LEP: variants seen among roughly 807,000 people sequenced by gnomAD.
The protein encoded by LEP is leptin (murine obesity homolog).
LEP carries 6 observed loss-of-function variants against 9.8 expected under a neutral mutation model. The observed-to-expected ratio is 0.61, with a 90% confidence interval of 0.34 to 1.21. LEP has a LOEUF of 1.21. Ranked by LOEUF, LEP falls within the 50% of genes most tolerant of loss-of-function variation. LEP has a pLI of 0.04. For synonymous variants in LEP, 112 were observed against 81.7 expected, an observed-to-expected ratio of 1.37 and a Z score of -2.00; for missense variants, 134 against 198.1, an observed-to-expected ratio of 0.68 and a Z score of 1.94.
At chr7:128,243,024 G>A (rs369661652) in intron 1 of LEP, among the ~76,000 whole-genome samples, 45 of 152,328 alleles carry the variant, frequency 3.0e-4, no homozygotes, top group Middle Eastern at 3.4e-3. Context: ...CCCCACCGGG[G>A]TAGGAGTCTG....
intron 1 of LEP, among the ~76,000 whole-genome samples, chr7:128,249,020 T>A (rs1409854174): frequency 6.6e-6 from 1 of 152,238 alleles, no homozygotes; most frequent in African/African-American, 2.4e-5. Flanking sequence ...TCGCACCAAC[T>A]ATTTGCTGCC....
chr7:128,247,384 C>T (rs1795223825), intron 1 of LEP, among the ~76,000 whole-genome samples: 1 of 152,208 alleles, frequency 6.6e-6, no homozygotes, highest in South Asian at 2.1e-4. Context: ...AAAATCTCTC[C>T]TCATGTCTCT....
chr7:128,251,667 G>C (rs528618720), intron 1 of LEP, among the ~76,000 whole-genome samples: 14 of 152,288 alleles, frequency 9.2e-5, no homozygotes, highest in African/African-American at 3.4e-4. Flanking sequence ...GACCTTAAAA[G>C]TCTGTTATCT....
chr7:128,254,552 C>G lies in LEP; in HGVS notation c.293C>G (p.Ser98Cys). 1 of 1,614,172 alleles carries G rather than the reference C, an allele frequency of 6.2e-7. No homozygotes were observed. The change falls in exon 3 of 3, where the codon TCC becomes TGC. Residue 98 changes from serine (S) to cysteine (C), a missense_variant. Physicochemically the swap from Ser to Cys is moderately radical, Grantham distance 112 (BLOSUM62 -1). Coordinates refer to ENST00000308868, the MANE Select transcript of LEP (RefSeq NM_000230.3). ...SMPSRNVIQI[S>C]NDLENLRDLL... ...CCTTCCAGAAACGTGATCCAAATAT[C>G]CAACGACCTGGAGAACCTCCGGGAT...
At chr7:128,251,225 A>T (rs952216882) in intron 1 of LEP, among the ~76,000 whole-genome samples, 1 of 152,090 alleles carries the variant, frequency 6.6e-6, no homozygotes, top group Non-Finnish European at 1.5e-5. Context: ...TGGCCCATTG[A>T]CCTGTTTGTT....
chr7:128,243,396 G>T (rs528700185), intron 1 of LEP, among the ~76,000 whole-genome samples: 1 of 152,192 alleles, frequency 6.6e-6, no homozygotes, highest in Non-Finnish European at 1.5e-5. Flanking sequence ...AAGAGAAACC[G>T]CAGAGAAGAC....
chr7:128,243,723 G>A lies in LEP; in HGVS notation c.-29+2417G>A, dbSNP rs539555043. 1.5e-3 allele frequency among the ~76,000 whole-genome samples: 232 copies of A among 152,322 alleles called. 1 individual carries two copies. Among genetic ancestry groups the A allele is most frequent in the Non-Finnish European group, 2.2e-3 (153 of 68,026 alleles). The stretch of plus-strand genomic sequence containing the variant: ...ATGCGACTTTAAGATGGGAGCAAGC[G>A]AACCATTGAGGAGGCAGGTTACCCT... On this transcript the variant is annotated intron_variant, in intron 1 of 2. Transcript: ENST00000308868.
At position 128,255,777 on chromosome 7, in the gene LEP, CT is replaced by C. The variant is rs1300009303; in HGVS notation, c.*1015del. On this transcript the variant is annotated 3_prime_UTR_variant, in exon 3 of 3. Transcript: ENST00000308868. Reference sequence around the variant, plus strand: ...GTTGTGAGGCCTGGCCAGGCACCCCCTGGAGAGAAGTTTCTGGCCCTGGCTG... The same window carrying C: ...GTTGTGAGGCCTGGCCAGGCACCCCCGGAGAGAAGTTTCTGGCCCTGGCTG... 5.9e-5 allele frequency: 9 copies of C among 152,178 alleles called. No individual in the cohort carries two copies. Among genetic ancestry groups the C allele is most frequent in the East Asian group, 3.9e-4 (2 of 5,186 alleles). The allele number at this position is 152,178 out of a possible 1,614,324, so 9.4% of individuals were successfully genotyped here.
chr7:128,257,037 C>A lies in LEP; in HGVS notation c.*2274C>A. The A allele has an allele frequency of 6.6e-6, 1 of 152,394 alleles. No homozygotes were observed. 9.4% of individuals were successfully genotyped at this position (152,394 alleles called of 1,614,324 possible). ...AGGGCAAGGGCCATGCTGAAGGGAC[C>A]TTGAAGGGTAAAGAAGTTTGATATT... On this transcript the variant is annotated 3_prime_UTR_variant, in exon 3 of 3. Transcript: ENST00000308868.
chr7:128,254,755 G>A lies in LEP; in HGVS notation c.496G>A (p.Gly166Arg), dbSNP rs759854910. 1.2e-6 allele frequency: 2 copies of A among 1,609,448 alleles called. No individual in the cohort carries two copies. Among genetic ancestry groups the A allele is most frequent in the Non-Finnish European group, 8.5e-7 (1 of 1,179,902 alleles). ...GCTGTGGCAGCTGGACCTCAGCCCTGGGTGCTGAGGCCTTGAAGGTCACTC... is the reference window on the plus strand; with the variant it reads ...GCTGTGGCAGCTGGACCTCAGCCCTAGGTGCTGAGGCCTTGAAGGTCACTC... ...DMLWQLDLSPGC is the reference protein window; with the variant it reads ...DMLWQLDLSPRC Residue 166 changes from glycine (G) to arginine (R), a missense_variant, in exon 3 of 3, where the codon GGG (glycine) becomes AGG (arginine). By Grantham distance (125) the Gly-to-Arg change is moderately radical. Transcript: ENST00000308868.
chr7:128,245,295 T>G (rs1795198466), intron 1 of LEP, among the ~76,000 whole-genome samples: 1 of 152,156 alleles, frequency 6.6e-6, no homozygotes, highest in South Asian at 2.1e-4. Flanking sequence ...ACACACTGCC[T>G]CCCTTGCAAA....
chr7:128,252,990 C>T (rs139962194), intron 2 of LEP, among the ~76,000 whole-genome samples: 12 of 152,322 alleles, frequency 7.9e-5, no homozygotes, highest in African/African-American at 1.2e-4. Context: ...CAGGCCTCAG[C>T]GATTAGCTGA....
At position 128,242,983 on chromosome 7, in the gene LEP, A is replaced by G. The variant is rs542938394; in HGVS notation, c.-29+1677A>G. Among the ~76,000 whole-genome samples the G allele has an allele frequency of 2.7e-3, 406 of 152,288 alleles. 8 individuals carry two copies. In the South Asian group the frequency reaches 0.04, roughly 15 times the overall value. ...ACTGGTATGATTTAAAGGAAAATTG[A>G]GCCAAATTTTCCGGCAGTCAGTTAC... On this transcript the variant is annotated intron_variant, in intron 1 of 2. Transcript: ENST00000308868.
In LEP at chr7:128,252,237, T is replaced by C. The variant is rs1201141287; in HGVS notation, c.144+75T>C. The C allele has an allele frequency of 2.0e-6, 3 of 1,528,488 alleles. No homozygotes were observed. The South Asian group carries it at 3.4e-5, about 17-fold the overall frequency. 94.7% of individuals were successfully genotyped at this position (1,528,488 alleles called of 1,614,324 possible). Reference sequence around the variant, plus strand: ...GGCTCCTAGTGGCACTGGACCCAGATAGTCCAAGAAACATTTATTGAACGC... The same window carrying C: ...GGCTCCTAGTGGCACTGGACCCAGACAGTCCAAGAAACATTTATTGAACGC... On this transcript the variant is annotated intron_variant, in intron 2 of 2. Coordinates refer to ENST00000308868, the MANE Select transcript of LEP (RefSeq NM_000230.3).
intron 1 of LEP, among the ~76,000 whole-genome samples, chr7:128,242,018 C>T (rs963577130): frequency 3.3e-5 from 5 of 152,198 alleles, no homozygotes; most frequent in South Asian, 2.1e-4. Context: ...GCTAAATACG[C>T]GCTGTTGGCC....
rs546822017 is a variant in LEP, at chr7:128,246,600, T to C, written c.-29+5294T>C. On this transcript the variant is annotated intron_variant, in intron 1 of 2. Coordinates refer to ENST00000308868, the MANE Select transcript of LEP (RefSeq NM_000230.3). ...TCCCAAGTAGCTGGGACCACAAGCG[T>C]TTGCCACCACACTCAGCTATTTTTA... Among the ~76,000 whole-genome samples, 45 of 151,876 alleles carry C rather than the reference T, an allele frequency of 3.0e-4. No individual in the cohort carries two copies. The South Asian group carries it at 9.4e-3, about 32-fold the overall frequency.
chr7:128,243,011 C>T (rs1795169652), intron 1 of LEP, among the ~76,000 whole-genome samples: 1 of 152,242 alleles, frequency 6.6e-6, no homozygotes, highest in African/African-American at 2.4e-5. Context: ...TCAGTTACCC[C>T]ATCCCCACCG....
Position 128,254,590 on chromosome 7 carries a change from C to T in LEP, c.331C>T (p.Leu111=). The stretch of plus-strand genomic sequence containing the variant: ...GAACCTCCGGGATCTTCTTCACGTG[C>T]TGGCCTTCTCTAAGAGCTGCCACTT... ...LENLRDLLHV[L]AFSKSCHLPW... The change falls in exon 3 of 3, where the codon CTG becomes TTG. Residue 111 remains leucine (L), a synonymous_variant. Transcript: ENST00000308868. 1 of 1,614,184 alleles carries T rather than the reference C, an allele frequency of 6.2e-7. No individual in the cohort carries two copies. Among genetic ancestry groups the T allele is most frequent in the Non-Finnish European group, 8.5e-7 (1 of 1,180,020 alleles).
intron 1 of LEP, among the ~76,000 whole-genome samples, chr7:128,244,691 C>T (rs1012276380): frequency 6.6e-5 from 10 of 152,188 alleles, no homozygotes; most frequent in Admixed American, 4.6e-4. Flanking sequence ...CACCAGGCCT[C>T]ACGAGGACCC....
Sources: allele counts gnomAD v4.1 joint callset (sites outside exome capture counted in the v4.1 genomes callset), GRCh38; gene constraint gnomAD v4.1.1; transcripts MANE v1.5; gene names NCBI Gene and HGNC (gene_info 2026-07-23, HGNC 2026-07-21).